Variants in KAZN observed in about 807,000 individuals in gnomAD.
KAZN encodes kazrin.
A neutral mutation model predicts 87.4 loss-of-function variants in KAZN; 40 were observed. The ratio of observed to expected loss-of-function variants is 0.46; its 90% confidence interval spans 0.36 to 0.60. KAZN has a LOEUF of 0.60. Among genes scored for constraint, KAZN ranks in the 20% least tolerant of loss-of-function variants. The pLI is 0.00. For synonymous variants in KAZN, 466 were observed against 458.3 expected (o/e 1.02, Z -0.22); for missense variants, 898 against 1,073.9 (o/e 0.84, Z 2.29).
At chr1:14,701,846 G>C (rs1023473076) in intron 1 of KAZN, among the ~76,000 whole-genome samples, 5 of 152,076 alleles carry the variant, frequency 3.3e-5, no homozygotes, top group African/African-American at 7.2e-5. Context: ...GCCCTTCCCT[G>C]ACCGTCTCAC....
chr1:14,503,625 T>C (rs1299523219), intron 2 of KAZN, among the ~76,000 whole-genome samples: 3 of 150,888 alleles, frequency 2.0e-5, no homozygotes, highest in Admixed American at 2.0e-4. Flanking sequence ...CTCCACCTGA[T>C]TGACTTACCA....
intron 2 of KAZN, among the ~76,000 whole-genome samples, chr1:14,287,245 C>T (rs1192734321): frequency 6.6e-6 from 1 of 152,120 alleles, no homozygotes; most frequent in Admixed American, 6.6e-5. Context: ...ACATCCATTG[C>T]CTTTTCTGAT....
chr1:14,245,022 G>A (rs1474047179), intron 2 of KAZN, among the ~76,000 whole-genome samples: 1 of 151,830 alleles, frequency 6.6e-6, no homozygotes, highest in African/African-American at 2.4e-5. Context: ...GTGCAGTGGC[G>A]AGATCTCGGC....
chr1:14,737,376 C>A (rs1344437470), intron 1 of KAZN, among the ~76,000 whole-genome samples: 1 of 152,096 alleles, frequency 6.6e-6, no homozygotes, highest in Non-Finnish European at 1.5e-5. Context: ...CCACGGTATG[C>A]ACAGAGAAGT....
intron 4 of KAZN, 128 bp from the exon 5 acceptor site, chr1:15,055,963 T>C: frequency 1.1e-6 from 1 of 885,142 alleles, no homozygotes; most frequent in Non-Finnish European, 1.8e-6. Flanking sequence ...TGACGCTCGA[T>C]GCCGAGCCAG....
At chr1:14,386,381 G>A (rs1367476905) in intron 2 of KAZN, among the ~76,000 whole-genome samples, 3 of 151,248 alleles carry the variant, frequency 2.0e-5, no homozygotes, top group African/African-American at 2.4e-5. Flanking sequence ...TATTTTGCTC[G>A]TTAGTTGATG....
At chr1:14,240,796 T>C (rs1648869999) in intron 2 of KAZN, among the ~76,000 whole-genome samples, 1 of 152,244 alleles carries the variant, frequency 6.6e-6, no homozygotes, top group Admixed American at 6.5e-5. Flanking sequence ...TCTTCTATAT[T>C]GGAGCCAGCT....
rs185666539 is a variant in KAZN, at chr1:14,994,447, A to G, written c.418+33572A>G. On this transcript the variant is annotated intron_variant, in intron 2 of 14. Coordinates refer to ENST00000376030, the MANE Select transcript of KAZN (RefSeq NM_201628.3). The stretch of plus-strand genomic sequence containing the variant: ...GTGTTTCTGTTTTGCCATCTGAGAC[A>G]GCAGGCTTTCCTAGAGGTTTGTGTA... Among the ~76,000 whole-genome samples, 204 of 152,384 alleles carry G rather than the reference A, an allele frequency of 1.3e-3. 4 individuals carry two copies. Among genetic ancestry groups the G allele is most frequent in the African/African-American group, 4.4e-3 (183 of 41,598 alleles).
chr1:14,481,043 C>T (rs1042125488), intron 2 of KAZN, among the ~76,000 whole-genome samples: 11 of 151,542 alleles, frequency 7.3e-5, no homozygotes, highest in African/African-American at 2.2e-4. Context: ...TGTGTATTTT[C>T]TGTCTTTCAT....
At chr1:14,946,513 A>G (rs996725439) in intron 1 of KAZN, among the ~76,000 whole-genome samples, 1 of 151,644 alleles carries the variant, frequency 6.6e-6, no homozygotes, top group Non-Finnish European at 1.5e-5. Flanking sequence ...AATTTTTTGT[A>G]TTTATAGTAG....
chr1:14,638,778 C>T (rs1420906773), intron 1 of KAZN, among the ~76,000 whole-genome samples: 1 of 152,044 alleles, frequency 6.6e-6, no homozygotes, highest in Non-Finnish European at 1.5e-5. Flanking sequence ...CAATCTAGGC[C>T]GCCATCAATT....
chr1:14,827,383 G>A lies in KAZN; in HGVS notation c.227-133301G>A, dbSNP rs1018655641. On this transcript the variant is annotated intron_variant, in intron 1 of 14. Coordinates refer to ENST00000376030, the MANE Select transcript of KAZN (RefSeq NM_201628.3). ...CCGAGCAGTGTACACTGAACCCAAC[G>A]TGTAGCCTTTTATCCCTCACCTGCT... 3.9e-5 allele frequency among the ~76,000 whole-genome samples: 6 copies of A among 152,284 alleles called. No homozygotes were observed. In the South Asian group the frequency reaches 1.0e-3, roughly 26 times the overall value.
chr1:14,705,174 G>A lies in KAZN; in HGVS notation c.226+105951G>A, dbSNP rs188141649. On this transcript the variant is annotated intron_variant, in intron 1 of 14. Transcript: ENST00000376030. ...CTCCCTCTTGCTGCCTCTTCCCATGGTATGCATATGTGCACACTCATCCCA... is the reference window on the plus strand; with the variant it reads ...CTCCCTCTTGCTGCCTCTTCCCATGATATGCATATGTGCACACTCATCCCA... Among the ~76,000 whole-genome samples, 315 of 152,200 alleles carry A rather than the reference G, an allele frequency of 2.1e-3. 4 individuals carry two copies. Among genetic ancestry groups the A allele is most frequent in the Non-Finnish European group, 6.5e-4 (44 of 68,006 alleles).
intron 2 of KAZN, among the ~76,000 whole-genome samples, chr1:14,296,624 T>C (rs1025880958): frequency 7.0e-6 from 1 of 143,540 alleles, no homozygotes; most frequent in Admixed American, 7.0e-5. Flanking sequence ...TGAGTTTTTG[T>C]ATTTCTTTTT....
At chr1:14,028,474 C>T (rs936752927) in intron 1 of KAZN, among the ~76,000 whole-genome samples, 4 of 152,180 alleles carry the variant, frequency 2.6e-5, no homozygotes, top group Non-Finnish European at 5.9e-5. Context: ...GCATTTCTAT[C>T]ACATACTCAC....
chr1:15,106,597 C>G (rs534513603), intron 13 of KAZN, among the ~76,000 whole-genome samples: 1 of 152,184 alleles, frequency 6.6e-6, no homozygotes, highest in Admixed American at 6.5e-5. Flanking sequence ...GGGGCAGGGA[C>G]TTCTTCAAGA....
At chr1:14,519,415 G>A (rs1671463621) in intron 2 of KAZN, among the ~76,000 whole-genome samples, 2 of 152,170 alleles carry the variant, frequency 1.3e-5, no homozygotes, top group African/African-American at 4.8e-5. Context: ...TCTGAGAAAA[G>A]CAGCCAAGAG....
chr1:14,338,504 A>AAAGAG (rs1553159650), intron 2 of KAZN, among the ~76,000 whole-genome samples: 2 of 142,218 alleles, frequency 1.4e-5, no homozygotes, highest in African/African-American at 5.4e-5. Flanking sequence ...AAAAAAAAAA[A>AAAGAG]AGAGAGAGAG....
At chr1:14,029,119 A>C (rs1307586563) in intron 1 of KAZN, among the ~76,000 whole-genome samples, 1 of 136,060 alleles carries the variant, frequency 7.3e-6, no homozygotes, top group Non-Finnish European at 1.6e-5. Flanking sequence ...GTTTCTCCAC[A>C]TCCTCTCCAG....
Sources: allele counts gnomAD v4.1 joint callset (sites outside exome capture counted in the v4.1 genomes callset), GRCh38; gene constraint gnomAD v4.1.1; transcripts MANE v1.5; gene names NCBI Gene and HGNC (gene_info 2026-07-23, HGNC 2026-07-21).